The following LHFPL3 variants were observed in gnomAD, a reference collection of about 807,000 sequenced individuals.
The protein encoded by LHFPL3 is LHFPL tetraspan subfamily member 3.
Under a neutral mutation model 19.3 loss-of-function variants are expected in LHFPL3, and 5 were observed. The ratio of observed to expected loss-of-function variants is 0.26; its 90% CI spans 0.14 to 0.54. LHFPL3 has a LOEUF of 0.54. LHFPL3 is among the 20% of genes least tolerant of loss of function. The probability of loss-of-function intolerance (pLI) is 0.94; values close to 1 mark genes in which losing one functional copy is unlikely to be tolerated. For synonymous variants in LHFPL3, 133 were observed against 126.2 expected, an observed-to-expected ratio of 1.05 and a Z score of -0.36; for missense variants, 249 against 307.4, an observed-to-expected ratio of 0.81 and a Z score of 1.42.
intron 1 of LHFPL3, among the ~76,000 whole-genome samples, chr7:104,716,163 A>G (rs1404537890): frequency 1.3e-5 from 2 of 152,116 alleles, no homozygotes; most frequent in Non-Finnish European, 2.9e-5. Flanking sequence ...CCTGACTAAC[A>G]TGGTGAAACC....
chr7:104,849,190 G>A (rs897455375), intron 2 of LHFPL3, among the ~76,000 whole-genome samples: 18 of 152,204 alleles, frequency 1.2e-4, no homozygotes, highest in East Asian at 3.9e-4. Context: ...TTCGGCCTCC[G>A]GAAGTTCTGG....
At chr7:104,609,952 C>T (rs1000934923) in intron 1 of LHFPL3, among the ~76,000 whole-genome samples, 2 of 152,106 alleles carry the variant, frequency 1.3e-5, no homozygotes, top group African/African-American at 2.4e-5. Context: ...ATCAAAACTA[C>T]CAGAAATTAT....
intron 1 of LHFPL3, among the ~76,000 whole-genome samples, chr7:104,403,617 TA>T (rs1791357635): frequency 6.6e-6 from 1 of 152,168 alleles, no homozygotes; most frequent in Admixed American, 6.6e-5. Flanking sequence ...AAAGTGTTAT[TA>T]AAAATATCTT....
At chr7:104,534,919 G>A (rs1238515926) in intron 1 of LHFPL3, among the ~76,000 whole-genome samples, 2 of 152,100 alleles carry the variant, frequency 1.3e-5, no homozygotes, top group Non-Finnish European at 2.9e-5. Context: ...GTTGAAGATA[G>A]CAATTCTGAC....
chr7:104,744,820 T>C (rs1054022100), intron 2 of LHFPL3, among the ~76,000 whole-genome samples: 3 of 152,226 alleles, frequency 2.0e-5, no homozygotes, highest in South Asian at 2.1e-4. Context: ...ATTTTCTTTC[T>C]GGGCTCTTCT....
chr7:104,831,713 C>CA (rs74477288), intron 2 of LHFPL3, among the ~76,000 whole-genome samples: 11,719 of 151,490 alleles, frequency 0.077, 549 homozygotes, highest in Admixed American at 0.097. Context: ...TTCACACACA[C>CA]AAAAAAAAGA....
At chr7:104,707,036 C>G (rs150078621) in intron 1 of LHFPL3, among the ~76,000 whole-genome samples, 10 of 152,322 alleles carry the variant, frequency 6.6e-5, no homozygotes, top group Non-Finnish European at 1.2e-4. Context: ...GATCTTCATT[C>G]TAAATTTGAC....
intron 2 of LHFPL3, among the ~76,000 whole-genome samples, chr7:104,891,115 CA>C (rs1412649798): frequency 1.3e-5 from 2 of 151,392 alleles, no homozygotes; most frequent in African/African-American, 4.9e-5. Context: ...ATCTAGTTGC[CA>C]AATTAAGGGT....
chr7:104,655,981 C>G (rs1415367777), intron 1 of LHFPL3, among the ~76,000 whole-genome samples: 1 of 152,124 alleles, frequency 6.6e-6, no homozygotes, highest in Non-Finnish European at 1.5e-5. Flanking sequence ...TTTTCTTTAC[C>G]AGGCAGGTTT....
chr7:104,775,382 T>G (rs1401030649), intron 2 of LHFPL3, among the ~76,000 whole-genome samples: 1 of 152,124 alleles, frequency 6.6e-6, no homozygotes, highest in East Asian at 1.9e-4. Context: ...GGCAACAGAG[T>G]GAGACCCTGT....
chr7:104,602,684 A>G (rs947330554), intron 1 of LHFPL3, among the ~76,000 whole-genome samples: 5 of 152,232 alleles, frequency 3.3e-5, no homozygotes, highest in Non-Finnish European at 5.9e-5. Flanking sequence ...ATTTGTTGAA[A>G]GATGTCTTAG....
Position 104,821,732 on chromosome 7 carries a change from G to A in LHFPL3, c.683-84455G>A, listed in dbSNP as rs545817937. ...GTTTTGCCATCTTTAAAGGCCTAAA[G>A]TAGCACAGTCAAAGTTTCTAGACTT... On this transcript the variant is annotated intron_variant, in intron 2 of 2. Coordinates refer to ENST00000424859, the MANE Select transcript of LHFPL3 (RefSeq NM_199000.3). Among the ~76,000 whole-genome samples, 17 of 152,288 alleles carry A rather than the reference G, an allele frequency of 1.1e-4. No individual in the cohort carries two copies. The East Asian group carries it at 3.1e-3, about 28-fold the overall frequency.
rs558896295 is a variant in LHFPL3 at position 104,750,021 on chromosome 7, G to A, written c.682+13110G>A. ...GACTCATGGGGCTATATAATGGAGCGGGCATGGTGATTTCCGCACCCCATT... is the reference window on the plus strand; with the variant it reads ...GACTCATGGGGCTATATAATGGAGCAGGCATGGTGATTTCCGCACCCCATT... On this transcript the variant is annotated intron_variant, in intron 2 of 2. Coordinates refer to ENST00000424859, the MANE Select transcript of LHFPL3 (RefSeq NM_199000.3). Among the ~76,000 whole-genome samples the A allele has an allele frequency of 2.0e-3, 300 of 152,196 alleles. 3 individuals carry two copies. Among genetic ancestry groups the A allele is most frequent in the African/African-American group, 6.6e-3 (275 of 41,510 alleles).
intron 1 of LHFPL3, among the ~76,000 whole-genome samples, chr7:104,616,926 A>T (rs1422570868): frequency 1.3e-5 from 2 of 152,256 alleles, no homozygotes; most frequent in Admixed American, 6.5e-5. Context: ...GTCATTAGAG[A>T]AATGCAAATC....
At chr7:104,469,051 A>G (rs1374040886) in intron 1 of LHFPL3, among the ~76,000 whole-genome samples, 3 of 152,154 alleles carry the variant, frequency 2.0e-5, no homozygotes, top group Non-Finnish European at 4.4e-5. Context: ...ATTCCATAGG[A>G]GGCTCCAATT....
chr7:104,692,821 G>C (rs189272262), intron 1 of LHFPL3, among the ~76,000 whole-genome samples: 4 of 152,330 alleles, frequency 2.6e-5, no homozygotes, highest in Admixed American at 2.6e-4. Flanking sequence ...TGTGGGGTTG[G>C]AGCCCCAGCA....
intron 1 of LHFPL3, among the ~76,000 whole-genome samples, chr7:104,678,976 C>T (rs1312967298): frequency 1.3e-5 from 2 of 152,076 alleles, no homozygotes; most frequent in Non-Finnish European, 2.9e-5. Flanking sequence ...ATTATTATAC[C>T]TCTTAATTGT....
At chr7:104,507,814 T>A in intron 1 of LHFPL3, among the ~76,000 whole-genome samples, 1 of 122,586 alleles carries the variant, frequency 8.2e-6, no homozygotes, top group Non-Finnish European at 1.7e-5. Context: ...GAACAGACAC[T>A]TCTCAAAAGA....
At chr7:104,775,409 A>T (rs1262684348) in intron 2 of LHFPL3, among the ~76,000 whole-genome samples, 1 of 152,194 alleles carries the variant, frequency 6.6e-6, no homozygotes, top group African/African-American at 2.4e-5. Context: ...CAATCAATCA[A>T]TCAATACAGC....
Sources: allele counts gnomAD v4.1 joint callset (sites outside exome capture counted in the v4.1 genomes callset), GRCh38; gene constraint gnomAD v4.1.1; transcripts MANE v1.5; gene names NCBI Gene and HGNC (gene_info 2026-07-23, HGNC 2026-07-21).